Variants in EFNB2 observed in about 807,000 individuals in gnomAD.
EFNB2 encodes ephrin-B2.
EFNB2 carries 5 observed loss-of-function variants against 32.1 expected under a neutral mutation model. That is an observed-to-expected ratio of 0.16 (90% CI 0.08 to 0.33). EFNB2 has a LOEUF of 0.33. Ranked by LOEUF, EFNB2 falls within the 10% of genes least tolerant of loss-of-function variation. The pLI, the probability that EFNB2 is intolerant of heterozygous loss-of-function variation, is 1.00. For synonymous variants in EFNB2, 168 were observed against 166.5 expected (o/e 1.01, Z -0.07); for missense variants, 263 against 422.6 (o/e 0.62, Z 3.31).
chr13:106,501,209 C>A (rs1878766175), intron 2 of EFNB2, among the ~76,000 whole-genome samples: 1 of 152,118 alleles, frequency 6.6e-6, no homozygotes, highest in Non-Finnish European at 1.5e-5. Flanking sequence ...AAGTTCTAAA[C>A]ATGGAAATGA....
rs1878569493 is a variant in EFNB2 at position 106,495,739 on chromosome 13, G to A, written c.499+9C>T. 6.2e-7 allele frequency: 1 copy of A among 1,613,360 alleles called. No individual in the cohort carries two copies. ...ACAGTGGCGTCATGAAGCAGCAGAT[G>A]GTCTTTACCTTGTCCAACTTTCATG... On this transcript the variant is annotated intron_variant, in intron 3 of 4. Transcript: ENST00000646441.
chr13:106,498,553 A>G (rs2138903510), intron 2 of EFNB2, among the ~76,000 whole-genome samples: 1 of 152,314 alleles, frequency 6.6e-6, no homozygotes, highest in African/African-American at 2.4e-5. Context: ...ATTCAATTGG[A>G]ATCTATAATT....
chr13:106,498,313 A>G (rs1212337261), intron 2 of EFNB2, among the ~76,000 whole-genome samples: 2 of 152,236 alleles, frequency 1.3e-5, no homozygotes, highest in African/African-American at 4.8e-5. Context: ...GGCACAGTAG[A>G]GCAGTTACTT....
At chr13:106,496,409 A>C (rs1878592917) in intron 2 of EFNB2, among the ~76,000 whole-genome samples, 1 of 152,122 alleles carries the variant, frequency 6.6e-6, no homozygotes, top group African/African-American at 2.4e-5. Context: ...GGTCTTCAAA[A>C]TCTCCCCTTT....
At chr13:106,532,494 A>G (rs1397466478) in intron 1 of EFNB2, among the ~76,000 whole-genome samples, 2 of 152,224 alleles carry the variant, frequency 1.3e-5, no homozygotes, top group African/African-American at 4.8e-5. Flanking sequence ...AATAAATATA[A>G]AACTTCCCCA....
At chr13:106,502,350 C>A (rs1289107241) in intron 2 of EFNB2, among the ~76,000 whole-genome samples, 1 of 152,172 alleles carries the variant, frequency 6.6e-6, no homozygotes, top group East Asian at 1.9e-4. Flanking sequence ...AATGGATGCT[C>A]TTAAAGAAAA....
chr13:106,493,282 T>G lies in EFNB2; in HGVS notation c.760A>C (p.Arg254=). 1 of 1,614,134 alleles carries G rather than the reference T, an allele frequency of 6.2e-7. No individual in the cohort carries two copies. The highest frequency in any genetic ancestry group is 1.1e-5 in the South Asian group (1 of 91,080). The change falls in exon 5 of 5, where the codon AGG becomes CGG. Residue 254 remains arginine (R), a synonymous_variant. Transcript: ENST00000646441. The surrounding 1 kb of genome is among the most constrained non-coding windows in gnomAD (Gnocchi z 6.1). The part of the protein sequence containing the change: ...TLVVLLLKYR[R]RHRKHSPQHT... ...TGCGGCGAGTGCTTCCTGTGTCTCC[T>G]CCGGTACTTCAGCAAGAGGACCACC...
At chr13:106,520,016 T>A (rs768642703) in intron 1 of EFNB2, 1 of 152,174 alleles carries the variant, frequency 6.6e-6, no homozygotes, top group Non-Finnish European at 1.5e-5. Flanking sequence ...GTAACAAACT[T>A]GTTTACTCAA....
intron 2 of EFNB2, among the ~76,000 whole-genome samples, chr13:106,508,663 A>C (rs1413539664): frequency 6.6e-6 from 1 of 152,238 alleles, no homozygotes; most frequent in Admixed American, 6.5e-5. Flanking sequence ...AAATATCATT[A>C]AATTGAAAAT....
intron 1 of EFNB2, among the ~76,000 whole-genome samples, chr13:106,526,142 C>A (rs1879693178): frequency 6.6e-6 from 1 of 152,184 alleles, no homozygotes; most frequent in Non-Finnish European, 1.5e-5. Context: ...TCAAGCCCTG[C>A]AGGGGATTCT....
At chr13:106,508,734 G>C (rs905439427) in intron 2 of EFNB2, among the ~76,000 whole-genome samples, 1 of 152,160 alleles carries the variant, frequency 6.6e-6, no homozygotes, top group Admixed American at 6.5e-5. Context: ...ACTATTTTAA[G>C]TCGGTGACCA....
At chr13:106,501,841 C>A (rs1878794333) in intron 2 of EFNB2, among the ~76,000 whole-genome samples, 1 of 152,194 alleles carries the variant, frequency 6.6e-6, no homozygotes, top group South Asian at 2.1e-4. Context: ...ATCCGCCCGC[C>A]TCGGCCTCCC....
intron 1 of EFNB2, chr13:106,519,928 C>T (rs533441320): frequency 1.3e-5 from 2 of 152,190 alleles, no homozygotes; most frequent in South Asian, 2.1e-4. Context: ...AATTCCCTAA[C>T]AAGCAGATAA....
At chr13:106,524,307 T>C (rs1879630264) in intron 1 of EFNB2, among the ~76,000 whole-genome samples, 1 of 152,224 alleles carries the variant, frequency 6.6e-6, no homozygotes, top group Non-Finnish European at 1.5e-5. Flanking sequence ...AATTTAGTTA[T>C]ATGATAAAGA....
intron 2 of EFNB2, among the ~76,000 whole-genome samples, chr13:106,512,074 C>T (rs562368000): frequency 6.6e-6 from 1 of 152,224 alleles, no homozygotes; most frequent in African/African-American, 2.4e-5. Flanking sequence ...GGAAAACATG[C>T]TATTTTACCA....
At chr13:106,520,728 G>A (rs529368862) in intron 1 of EFNB2, 16 of 152,102 alleles carry the variant, frequency 1.1e-4, no homozygotes, top group South Asian at 2.1e-4. Context: ...CAGGGCCTAC[G>A]AAAGACACAG....
intron 1 of EFNB2, among the ~76,000 whole-genome samples, chr13:106,531,151 A>G (rs1879857174): frequency 6.6e-6 from 1 of 152,212 alleles, no homozygotes; most frequent in Non-Finnish European, 1.5e-5. Context: ...TGCTTAGCAA[A>G]TCATCTTAAC....
At chr13:106,507,444 A>C (rs1467141421) in intron 2 of EFNB2, among the ~76,000 whole-genome samples, 1 of 152,216 alleles carries the variant, frequency 6.6e-6, no homozygotes, top group East Asian at 1.9e-4. Context: ...GAAAACAAAT[A>C]TATGCTTAAC....
At position 106,511,148 on chromosome 13, in the gene EFNB2, C is replaced by G. The variant is rs144240764; in HGVS notation, c.406+1381G>C. ...CCTACTATGCTGCATACTTGGCCAC[C>G]CCATCTACCTGTTTCATTTCAGAAT... On this transcript the variant is annotated intron_variant, in intron 2 of 4. Coordinates refer to ENST00000646441, the MANE Select transcript of EFNB2 (RefSeq NM_004093.4). Among the ~76,000 whole-genome samples the G allele has an allele frequency of 6.7e-3, 1,015 of 152,290 alleles. 8 individuals are homozygous for G. Among genetic ancestry groups the G allele is most frequent in the African/African-American group, 0.022 (927 of 41,542 alleles).
Sources: allele counts gnomAD v4.1 joint callset (sites outside exome capture counted in the v4.1 genomes callset), GRCh38; gene constraint gnomAD v4.1.1; non-coding constraint Gnocchi (gnomAD v3.1); transcripts MANE v1.5; gene names NCBI Gene and HGNC (gene_info 2026-07-23, HGNC 2026-07-21).